The following ZSCAN21 variants were observed in gnomAD, a reference collection of about 807,000 sequenced individuals.
ZSCAN21 encodes zinc finger and SCAN domain-containing protein 21.
A neutral mutation model predicts 35.6 loss-of-function variants in ZSCAN21; 26 were observed. The observed-to-expected ratio is 0.73, with a 90% CI of 0.54 to 1.01. ZSCAN21 has a LOEUF of 1.01. Among genes scored for constraint, ZSCAN21 ranks in the 50% least tolerant of loss-of-function variants. ZSCAN21 has a pLI of 0.00. For synonymous variants in ZSCAN21, 219 were observed against 219.3 expected (o/e 1.00, Z 0.01); for missense variants, 593 against 587.1 (o/e 1.01, Z -0.10).
At chr7:100,060,730 G>T (rs1792255632) in intron 3 of ZSCAN21, among the ~76,000 whole-genome samples, 1 of 142,332 alleles carries the variant, frequency 7.0e-6, no homozygotes, top group African/African-American at 2.6e-5. Context: ...TGTTGTCCCT[G>T]GGACCTGTAG....
In ZSCAN21 at chr7:100,064,369, G is replaced by C; in HGVS notation, c.1174G>C (p.Glu392Gln). The stretch of plus-strand genomic sequence containing the variant: ...TGGGGAGAAGCCTTATCAGTGTAAC[G>C]AATGTGGGAAGAGCTTCAGTCAGCA... Reference protein sequence around the residue: ...HTGEKPYQCNECGKSFSQHAG... With the variant: ...HTGEKPYQCNQCGKSFSQHAG... The change falls in exon 4 of 4, where the codon GAA becomes CAA. Residue 392 changes from glutamate to glutamine, a missense_variant. Coordinates refer to ENST00000292450, the MANE Select transcript of ZSCAN21 (RefSeq NM_145914.3). 6.2e-7 allele frequency: 1 copy of C among 1,614,078 alleles called. No homozygotes were observed. Among genetic ancestry groups the C allele is most frequent in the Non-Finnish European group, 8.5e-7 (1 of 1,180,032 alleles).
rs556130544 is a variant in ZSCAN21, at chr7:100,063,190, G to A, written c.593-598G>A. 4.6e-5 allele frequency among the ~76,000 whole-genome samples: 7 copies of A among 152,158 alleles called. No homozygotes were observed. The South Asian group carries it at 6.2e-4, about 14-fold the overall frequency. On this transcript the variant is annotated intron_variant, in intron 3 of 3. Transcript: ENST00000292450. ...ATTACAGGCGTGAGCCGCTGTGCCC[G>A]GCTACCACTCTCATATGCTGCATTT...
rs1018177921 is a variant in ZSCAN21, at chr7:100,063,733, T to G, written c.593-55T>G. On this transcript the variant is annotated intron_variant, in intron 3 of 3. Transcript: ENST00000292450. Reference sequence around the variant, plus strand: ...ATGGTTCTATCTCTCTGGTAACAGTTTCTTCCTCAGAACAAGAAACAACTG... The same window carrying G: ...ATGGTTCTATCTCTCTGGTAACAGTGTCTTCCTCAGAACAAGAAACAACTG... 2.0e-4 allele frequency: 297 copies of G among 1,515,162 alleles called. 1 individual carries two copies. The highest frequency in any genetic ancestry group is 5.7e-5 in the Non-Finnish European group (64 of 1,126,308). 93.9% of individuals were successfully genotyped at this position (1,515,162 alleles called of 1,614,324 possible).
At chr7:100,058,646 A>C (rs1339181134) in intron 3 of ZSCAN21, among the ~76,000 whole-genome samples, 2 of 152,250 alleles carry the variant, frequency 1.3e-5, no homozygotes, top group Admixed American at 6.5e-5. Context: ...CCTGAGCTCA[A>C]ATCTCCATAT....
At chr7:100,061,846 C>G (rs1394973395) in intron 3 of ZSCAN21, among the ~76,000 whole-genome samples, 1 of 152,196 alleles carries the variant, frequency 6.6e-6, no homozygotes, top group Admixed American at 6.5e-5. Flanking sequence ...ACTAACAGTT[C>G]TCCAAGGGGT....
rs573701241 is a variant in ZSCAN21, at chr7:100,051,873, G to C, written c.-97+2032G>C. Among the ~76,000 whole-genome samples the C allele has an allele frequency of 4.6e-5, 7 of 152,110 alleles. No individual in the cohort carries two copies. In the South Asian group the frequency reaches 1.5e-3, roughly 32 times the overall value. ...AAACAGTCTAGATAGCTTTTAAAAA[G>C]TCACTGTGATTGTAGACAATGTGAG... On this transcript the variant is annotated intron_variant, in intron 1 of 3. Transcript: ENST00000292450.
chr7:100,058,802 G>C (rs1435806012), intron 3 of ZSCAN21, among the ~76,000 whole-genome samples: 1 of 152,074 alleles, frequency 6.6e-6, no homozygotes, highest in African/African-American at 2.4e-5. Context: ...CTCAATCTCT[G>C]GGGCTCAAAT....
At chr7:100,052,062 T>G (rs996070768) in intron 1 of ZSCAN21, among the ~76,000 whole-genome samples, 1 of 151,706 alleles carries the variant, frequency 6.6e-6, no homozygotes. Flanking sequence ...AAAGCAAGAC[T>G]TCGTTTCTAC....
chr7:100,057,176 C>T lies in ZSCAN21; in HGVS notation c.170C>T (p.Pro57Leu), dbSNP rs1792103022. Residue 57 changes from proline (P) to leucine (L), a missense_variant, in exon 2 of 4, where the codon CCT (proline) becomes CTT (leucine). Transcript: ENST00000292450. ...AGGCAGTTTGGGTACCATGATACCC[C>T]TGGACCCCGAGAGGCCCTGAGCCAA... Reference protein sequence around the residue: ...RFRQFGYHDTPGPREALSQLR... With the variant: ...RFRQFGYHDTLGPREALSQLR... 3 of 1,613,998 alleles carry T rather than the reference C, an allele frequency of 1.9e-6. No individual in the cohort carries two copies. The highest frequency in any genetic ancestry group is 2.5e-6 in the Non-Finnish European group (3 of 1,180,034).
At chr7:100,060,772 A>G (rs1042293797) in intron 3 of ZSCAN21, among the ~76,000 whole-genome samples, 1 of 148,988 alleles carries the variant, frequency 6.7e-6, no homozygotes, top group African/African-American at 2.5e-5. Context: ...AGGCAGGGGA[A>G]TCGCTTGAAC....
At chr7:100,051,122 G>C (rs1791846263) in intron 1 of ZSCAN21, among the ~76,000 whole-genome samples, 1 of 133,388 alleles carries the variant, frequency 7.5e-6, no homozygotes, top group Admixed American at 7.9e-5. Flanking sequence ...AGGTTGCGGT[G>C]AGCCGAGATC....
chr7:100,064,755 G>A lies in ZSCAN21; in HGVS notation c.*138G>A, dbSNP rs370122100. On this transcript the variant is annotated 3_prime_UTR_variant, in exon 4 of 4. Coordinates refer to ENST00000292450, the MANE Select transcript of ZSCAN21 (RefSeq NM_145914.3). ...ACATCAGGGGATGCCTGAGGAGTGC[G>A]AGCTCCACAGCAACATGGCAGGCAG... 2.7e-5 allele frequency: 43 copies of A among 1,613,932 alleles called. No homozygotes were observed. The highest frequency in any genetic ancestry group is 2.0e-4 in the East Asian group (9 of 44,894).
Position 100,064,153 on chromosome 7 carries a change from C to G in ZSCAN21, c.958C>G (p.Leu320Val), listed in dbSNP as rs1007941815. Reference protein sequence around the residue: ...CGKAFSHSSNLTLHYRTHLVD... With the variant: ...CGKAFSHSSNVTLHYRTHLVD... ...GAAAGCTTTCAGCCACAGCTCAAAC[C>G]TCACCCTCCACTACAGAACACACTT... The change falls in exon 4 of 4, where the codon CTC (leucine) becomes GTC (valine). Residue 320 changes from leucine to valine, a missense_variant. Physicochemically the swap from Leu to Val is conservative, Grantham distance 32. Transcript: ENST00000292450. 3.1e-6 allele frequency: 5 copies of G among 1,613,920 alleles called. No individual in the cohort carries two copies. The African/African-American group carries it at 4.0e-5, about 13-fold the overall frequency.
chr7:100,052,229 C>T (rs1340775876), intron 1 of ZSCAN21, among the ~76,000 whole-genome samples: 1 of 151,996 alleles, frequency 6.6e-6, no homozygotes, highest in Non-Finnish European at 1.5e-5. Flanking sequence ...TACACGCCAG[C>T]CTGGGCAACA....
chr7:100,054,109 G>A (rs1791989037), intron 1 of ZSCAN21, among the ~76,000 whole-genome samples: 2 of 152,026 alleles, frequency 1.3e-5, no homozygotes, highest in Non-Finnish European at 2.9e-5. Flanking sequence ...TAGTAGGTGA[G>A]ATGACGTTGC....
chr7:100,055,731 C>T (rs1792050254), intron 1 of ZSCAN21, among the ~76,000 whole-genome samples: 1 of 151,012 alleles, frequency 6.6e-6, no homozygotes, highest in Non-Finnish European at 1.5e-5. Context: ...AGCTCCACGT[C>T]CCTGGTTCAG....
intron 3 of ZSCAN21, among the ~76,000 whole-genome samples, chr7:100,060,303 C>T (rs1311590310): frequency 1.3e-5 from 2 of 152,058 alleles, no homozygotes; most frequent in Non-Finnish European, 2.9e-5. Flanking sequence ...ATGGCTCACA[C>T]CGGTCATCCC....
Position 100,063,883 on chromosome 7 carries a change from G to T in ZSCAN21, c.688G>T (p.Ala230Ser), listed in dbSNP as rs575445564. ...AGGGGATATAATTTCTGTGATTATC[G>T]CCAATAAACCTGAGGCCAGCTTAGA... Reference protein sequence around the residue: ...LKGDIISVIIANKPEASLERQ... With the variant: ...LKGDIISVIISNKPEASLERQ... Residue 230 changes from alanine to serine, a missense_variant, in exon 4 of 4, where the codon GCC (alanine) becomes TCC (serine). Coordinates refer to ENST00000292450, the MANE Select transcript of ZSCAN21 (RefSeq NM_145914.3). The T allele has an allele frequency of 2.5e-6, 4 of 1,614,088 alleles. No individual in the cohort carries two copies. The South Asian group carries it at 4.4e-5, about 18-fold the overall frequency.
intron 3 of ZSCAN21, among the ~76,000 whole-genome samples, chr7:100,063,288 G>A (rs150664463): frequency 0.018 from 2,788 of 152,322 alleles, 87 homozygotes; most frequent in African/African-American, 0.063. Flanking sequence ...AGCTTCGGGT[G>A]GGGAATTGTG....
Sources: gnomAD v4.1 joint callset for allele counts (sites outside exome capture counted in the v4.1 genomes callset) on GRCh38, gnomAD v4.1.1 for gene constraint, MANE v1.5 for transcripts, NCBI Gene and HGNC (gene_info 2026-07-23, HGNC 2026-07-21) for gene names.